The following CENPP variants were observed in gnomAD, a reference collection of about 807,000 sequenced individuals.
CENPP encodes centromere protein P.
In CENPP, 24 loss-of-function variants were observed where a neutral mutation model predicts 35.6. The observed-to-expected ratio is 0.67, with a 90% CI of 0.49 to 0.95. The LOEUF (loss-of-function observed/expected upper bound fraction) is 0.95, where lower values mean the gene tolerates loss of function less well. Ranked by LOEUF, CENPP falls within the 40% of genes least tolerant of loss-of-function variation. The pLI is 0.00. For synonymous variants in CENPP, 120 were observed against 125.5 expected, an observed-to-expected ratio of 0.96 and a Z score of 0.29; for missense variants, 332 against 345.3, an observed-to-expected ratio of 0.96 and a Z score of 0.31.
chr9:92,473,907 G>T (rs1845615976), intron 5 of CENPP, among the ~76,000 whole-genome samples: 1 of 152,204 alleles, frequency 6.6e-6, no homozygotes, highest in South Asian at 2.1e-4. Context: ...ACCCTGATGG[G>T]CCATCAGCCC....
chr9:92,522,527 T>A (rs1204031196), intron 5 of CENPP: 2 of 1,497,418 alleles, frequency 1.3e-6, no homozygotes. Context: ...CCATACCATC[T>A]CTCACCCTCC....
intron 5 of CENPP, among the ~76,000 whole-genome samples, chr9:92,543,255 T>C (rs1025691976): frequency 6.6e-6 from 1 of 151,948 alleles, no homozygotes; most frequent in Non-Finnish European, 1.5e-5. Context: ...GTGGATAACT[T>C]GAGGTCAGGA....
chr9:92,565,409 G>A (rs901441188), intron 5 of CENPP, among the ~76,000 whole-genome samples: 1 of 151,788 alleles, frequency 6.6e-6, no homozygotes, highest in Non-Finnish European at 1.5e-5. Flanking sequence ...CAGGCCATGG[G>A]TTAGACAAGC....
intron 5 of CENPP, among the ~76,000 whole-genome samples, chr9:92,533,228 A>AG (rs563832448): frequency 0.04 from 5,130 of 129,642 alleles, 130 homozygotes; most frequent in Middle Eastern, 0.069. Flanking sequence ...TGAACCCGGG[A>AG]GGTGGAGGTT....
chr9:92,440,889 C>T (rs1844368913), intron 5 of CENPP, among the ~76,000 whole-genome samples: 1 of 152,144 alleles, frequency 6.6e-6, no homozygotes, highest in Non-Finnish European at 1.5e-5. Context: ...CCTCACTTAA[C>T]ATCGTCAATG....
intron 5 of CENPP, among the ~76,000 whole-genome samples, chr9:92,545,186 T>A (rs912765096): frequency 6.6e-6 from 1 of 152,140 alleles, no homozygotes; most frequent in Non-Finnish European, 1.5e-5. Flanking sequence ...CTGTGGGAGC[T>A]CCTTCCTGGG....
At chr9:92,484,914 G>A (rs1236172287) in intron 5 of CENPP, among the ~76,000 whole-genome samples, 1 of 152,150 alleles carries the variant, frequency 6.6e-6, no homozygotes, top group Non-Finnish European at 1.5e-5. Context: ...CTGATATTTT[G>A]CTTCGATCTT....
rs577387381 is a variant in CENPP, at chr9:92,488,360, G to A, written c.564+108501G>A. On this transcript the variant is annotated intron_variant, in intron 5 of 7. Transcript: ENST00000375587. ...CCTTCACTCTAGTGAAATATTTACC[G>A]CCAAATTTATTTTAAGTTAATTAAG... Among the ~76,000 whole-genome samples the A allele has an allele frequency of 2.8e-4, 43 of 152,158 alleles. No individual in the cohort carries two copies. The East Asian group carries it at 6.4e-3, about 23-fold the overall frequency.
At chr9:92,515,117 A>G in intron 5 of CENPP, 1 of 1,613,802 alleles carries the variant, frequency 6.2e-7, no homozygotes, top group Non-Finnish European at 8.5e-7. Context: ...TTATGAAGTA[A>G]ATTGGTAGGT....
At chr9:92,582,924 T>C (rs562249874) in intron 5 of CENPP, among the ~76,000 whole-genome samples, 8 of 152,190 alleles carry the variant, frequency 5.3e-5, no homozygotes, top group Non-Finnish European at 1.0e-4. Context: ...TTCTGAGGTC[T>C]TGTGTTCTCT....
rs138686834 is a variant in CENPP at position 92,614,615 on chromosome 9, A to ACAAT, written c.*1469_*1472dup. 16 of 152,818 alleles carry ACAAT rather than the reference A, an allele frequency of 1.0e-4. No homozygotes were observed. The highest frequency in any genetic ancestry group is 9.1e-4 in the Admixed American group (14 of 15,310). 9.5% of individuals were successfully genotyped at this position (152,818 alleles called of 1,614,324 possible). On this transcript the variant is annotated 3_prime_UTR_variant, in exon 8 of 8. Transcript: ENST00000375587. ...ATCACAAAATTTCCCACAAAAATTTACAATCAGCAAAATAGTTTCCTTATT... is the reference window on the plus strand; with the variant it reads ...ATCACAAAATTTCCCACAAAAATTTACAATCAATCAGCAAAATAGTTTCCTTATT...
At position 92,515,014 on chromosome 9, in the gene CENPP, G is replaced by T. The variant is rs376085476; in HGVS notation, c.565-96300G>T. The stretch of plus-strand genomic sequence containing the variant: ...TTCAGGGGTCTCTCTCTTTTGCTCT[G>T]TATCTTCTTCTTTCACTTCTTCATC... On this transcript the variant is annotated intron_variant, in intron 5 of 7. Transcript: ENST00000375587. 12 of 1,613,816 alleles carry T rather than the reference G, an allele frequency of 7.4e-6. No homozygotes were observed. In the Admixed American group the frequency reaches 1.2e-4, roughly 16 times the overall value.
rs535405975 is a variant in CENPP, at chr9:92,512,411, T to G, written c.565-98903T>G. Among the ~76,000 whole-genome samples the G allele has an allele frequency of 3.9e-5, 6 of 152,358 alleles. No individual in the cohort carries two copies. In the East Asian group the frequency reaches 1.2e-3, roughly 29 times the overall value. Reference sequence around the variant, plus strand: ...TGCTTAACACAGCCAGAATGTGGTCTGCTGGAGAGTACTGGTAACATTGTA... The same window carrying G: ...TGCTTAACACAGCCAGAATGTGGTCGGCTGGAGAGTACTGGTAACATTGTA... On this transcript the variant is annotated intron_variant, in intron 5 of 7. Coordinates refer to ENST00000375587, the MANE Select transcript of CENPP (RefSeq NM_001012267.3).
At chr9:92,443,734 A>G (rs1373109133) in intron 5 of CENPP, among the ~76,000 whole-genome samples, 2 of 151,782 alleles carry the variant, frequency 1.3e-5, no homozygotes, top group Non-Finnish European at 2.9e-5. Context: ...ATCTCGGCTC[A>G]CTGCGACCTC....
intron 5 of CENPP, among the ~76,000 whole-genome samples, chr9:92,416,079 T>C (rs970471251): frequency 7.0e-6 from 1 of 142,580 alleles, no homozygotes; most frequent in Non-Finnish European, 1.5e-5. Context: ...TATTTATTTA[T>C]TTATTTATTT....
chr9:92,612,658 C>G (rs1359533353), intron 7 of CENPP, 44 bp downstream of exon 7: 1 of 1,399,916 alleles, frequency 7.1e-7, no homozygotes, highest in Admixed American at 1.7e-5. Context: ...TCTCAACATG[C>G]CCAGCAAAGC....
At chr9:92,554,929 C>T (rs1849689520) in intron 5 of CENPP, among the ~76,000 whole-genome samples, 1 of 152,164 alleles carries the variant, frequency 6.6e-6, no homozygotes, top group South Asian at 2.1e-4. Context: ...AGCCACTGCG[C>T]CTGGCCTTCA....
At chr9:92,521,197 A>G (rs1303705142) in intron 5 of CENPP, among the ~76,000 whole-genome samples, 1 of 152,208 alleles carries the variant, frequency 6.6e-6, no homozygotes, top group Non-Finnish European at 1.5e-5. Context: ...TATCTTCTGT[A>G]CTTTTATGCA....
intron 5 of CENPP, among the ~76,000 whole-genome samples, chr9:92,491,201 A>T (rs1846163279): frequency 6.6e-6 from 1 of 152,222 alleles, no homozygotes; most frequent in Non-Finnish European, 1.5e-5. Flanking sequence ...ATAATTCCAG[A>T]TAATCATTAT....
Sources: allele counts gnomAD v4.1 joint callset (sites outside exome capture counted in the v4.1 genomes callset), GRCh38; gene constraint gnomAD v4.1.1; transcripts MANE v1.5; gene names NCBI Gene and HGNC (gene_info 2026-07-23, HGNC 2026-07-21).